Variants in RBFOX1 observed in about 807,000 individuals in gnomAD.
The protein encoded by RBFOX1 is RNA binding protein fox-1 homolog 1.
In RBFOX1, 8 loss-of-function variants were observed where a neutral mutation model predicts 57.7. That is an observed-to-expected ratio of 0.14 (90% CI 0.08 to 0.25). The LOEUF is 0.25. Among genes scored for constraint, RBFOX1 ranks in the 10% least tolerant of loss-of-function variants. RBFOX1 has a pLI of 1.00. For missense variants in RBFOX1, 611 were observed against 548.5 expected, an observed-to-expected ratio of 1.11 and a Z score of -1.14; for synonymous variants, 326 against 222.4, an observed-to-expected ratio of 1.47 and a Z score of -4.15.
intron 1 of RBFOX1, among the ~76,000 whole-genome samples, chr16:6,061,446 G>C (rs1055173948): frequency 6.6e-6 from 1 of 151,740 alleles, no homozygotes; most frequent in South Asian, 2.1e-4. Context: ...TATTGTATAT[G>C]TATAGTCATC....
At chr16:7,191,736 G>A (rs2085440410) in intron 4 of RBFOX1, among the ~76,000 whole-genome samples, 1 of 152,144 alleles carries the variant, frequency 6.6e-6, no homozygotes, top group African/African-American at 2.4e-5. Context: ...TTAAAGAAGG[G>A]GGTTAGAGCG....
chr16:7,368,601 A>G (rs555752376), intron 4 of RBFOX1, among the ~76,000 whole-genome samples: 1 of 151,708 alleles, frequency 6.6e-6, no homozygotes, highest in East Asian at 2.0e-4. Flanking sequence ...ACACGGTGAA[A>G]CCCCCTGTCT....
At chr16:6,397,379 C>G (rs928999794) in intron 2 of RBFOX1, among the ~76,000 whole-genome samples, 1 of 152,006 alleles carries the variant, frequency 6.6e-6, no homozygotes, top group African/African-American at 2.4e-5. Flanking sequence ...AGCAAGAAGA[C>G]AATATAATGA....
At chr16:7,184,310 A>G (rs989444466) in intron 4 of RBFOX1, among the ~76,000 whole-genome samples, 4 of 152,226 alleles carry the variant, frequency 2.6e-5, no homozygotes, top group Admixed American at 6.5e-5. Context: ...GAGGGAAGAC[A>G]TCATCCAAAT....
At chr16:7,673,576 C>T (rs1349038219) in intron 13 of RBFOX1, among the ~76,000 whole-genome samples, 2 of 152,096 alleles carry the variant, frequency 1.3e-5, no homozygotes, top group Admixed American at 6.6e-5. Flanking sequence ...TTTATTGGAG[C>T]ATCATTTGAG....
chr16:7,136,809 T>C (rs1018550485), intron 4 of RBFOX1, among the ~76,000 whole-genome samples: 2 of 152,206 alleles, frequency 1.3e-5, no homozygotes, highest in African/African-American at 4.8e-5. Flanking sequence ...TAAATTCTGA[T>C]ATGGCAACAA....
intron 2 of RBFOX1, among the ~76,000 whole-genome samples, chr16:5,567,162 C>T (rs1004809391): frequency 1.3e-5 from 2 of 152,116 alleles, no homozygotes; most frequent in African/African-American, 2.4e-5. Context: ...CAAATAAAGC[C>T]GGTGCCCAGG....
chr16:6,848,573 G>T (rs943710692), intron 3 of RBFOX1, among the ~76,000 whole-genome samples: 1 of 151,984 alleles, frequency 6.6e-6, no homozygotes, highest in African/African-American at 2.4e-5. Flanking sequence ...AGAAAAAAAG[G>T]TGATAGAACC....
chr16:6,109,554 C>T (rs935087176), intron 1 of RBFOX1, among the ~76,000 whole-genome samples: 1 of 152,102 alleles, frequency 6.6e-6, no homozygotes, highest in Non-Finnish European at 1.5e-5. Flanking sequence ...TTAAATTTCC[C>T]TAGTGTTCAT....
At chr16:5,734,463 AT>A (rs1305798851) in intron 3 of RBFOX1, among the ~76,000 whole-genome samples, 1 of 152,208 alleles carries the variant, frequency 6.6e-6, no homozygotes, top group African/African-American at 2.4e-5. Context: ...AAAACAGCAC[AT>A]GCTTTCATGC....
intron 2 of RBFOX1, among the ~76,000 whole-genome samples, chr16:5,510,517 G>C (rs570083992): frequency 6.6e-6 from 1 of 152,134 alleles, no homozygotes; most frequent in African/African-American, 2.4e-5. Context: ...GCCAAAGCAA[G>C]TCGCGTGGCT....
intron 2 of RBFOX1, among the ~76,000 whole-genome samples, chr16:5,536,138 C>T (rs2151047149): frequency 6.9e-6 from 1 of 144,518 alleles, no homozygotes; most frequent in East Asian, 2.1e-4. Flanking sequence ...CAGTTCTTAC[C>T]TCAACTTATT....
In RBFOX1 at chr16:7,363,517, C is replaced by T. The variant is rs576880786; in HGVS notation, c.28-154630C>T. Among the ~76,000 whole-genome samples, 275 of 152,070 alleles carry T rather than the reference C, an allele frequency of 1.8e-3. 2 individuals carry two copies. The highest frequency in any genetic ancestry group is 3.2e-3 in the Non-Finnish European group (218 of 67,988). The stretch of plus-strand genomic sequence containing the variant: ...AAGGAAAAAAAAAATAAGTAAAGGC[C>T]GGGATCTTGTGGGCCTCTCAGCCTG... On this transcript the variant is annotated intron_variant, in intron 4 of 15. Coordinates refer to ENST00000550418, the MANE Select transcript of RBFOX1 (RefSeq NM_018723.4).
chr16:6,676,520 C>G (rs1337987911), intron 3 of RBFOX1, among the ~76,000 whole-genome samples: 1 of 152,066 alleles, frequency 6.6e-6, no homozygotes, highest in African/African-American at 2.4e-5. Flanking sequence ...TTGATCATTA[C>G]ACATTCTATG....
At chr16:7,171,325 CTG>C (rs2080657535) in intron 4 of RBFOX1, among the ~76,000 whole-genome samples, 1 of 152,166 alleles carries the variant, frequency 6.6e-6, no homozygotes, top group Non-Finnish European at 1.5e-5. Flanking sequence ...TCCCAATTTG[CTG>C]TGAGGGTTCA....
At position 6,844,515 on chromosome 16, in the gene RBFOX1, A is replaced by C. The variant is rs150948213; in HGVS notation, c.-16+189865A>C. Among the ~76,000 whole-genome samples, 5 of 151,886 alleles carry C rather than the reference A, an allele frequency of 3.3e-5. No homozygotes were observed. The East Asian group carries it at 7.8e-4, about 24-fold the overall frequency. ...ATGTCTCTGCAGAAGATATGACCTT[A>C]TTCTTTTTTATGGCTGCATAGTATT... On this transcript the variant is annotated intron_variant, in intron 3 of 15. Coordinates refer to ENST00000550418, the MANE Select transcript of RBFOX1 (RefSeq NM_018723.4).
At chr16:5,438,505 T>C (rs750130770) in intron 1 of RBFOX1, among the ~76,000 whole-genome samples, 22 of 152,200 alleles carry the variant, frequency 1.4e-4, no homozygotes, top group Non-Finnish European at 2.2e-4. Flanking sequence ...AACTGAGTTA[T>C]CCTGATCTCA....
chr16:6,561,303 G>C (rs1299959743), intron 2 of RBFOX1, among the ~76,000 whole-genome samples: 1 of 152,140 alleles, frequency 6.6e-6, no homozygotes, highest in Non-Finnish European at 1.5e-5. Flanking sequence ...ATGTTCCATG[G>C]TTTCAGAATT....
intron 1 of RBFOX1, among the ~76,000 whole-genome samples, chr16:6,234,677 T>G (rs2097491508): frequency 6.6e-6 from 1 of 152,110 alleles, no homozygotes; most frequent in African/African-American, 2.4e-5. Context: ...AAGTAGGAAT[T>G]TTTGAAGGAA....
Sources: gnomAD v4.1 joint callset for allele counts (sites outside exome capture counted in the v4.1 genomes callset) on GRCh38, gnomAD v4.1.1 for gene constraint, MANE v1.5 for transcripts, NCBI Gene and HGNC (gene_info 2026-07-23, HGNC 2026-07-21) for gene names.